Variants in ARHGAP20 observed in about 807,000 individuals in gnomAD.
ARHGAP20 encodes the protein rho GTPase-activating protein 20.
Under a neutral mutation model 73.7 loss-of-function variants are expected in ARHGAP20, and 34 were observed. That is an observed-to-expected ratio of 0.46 (90% confidence interval 0.35 to 0.61). The LOEUF (loss-of-function observed/expected upper bound fraction) is 0.61, where lower values mean the gene tolerates loss of function less well. ARHGAP20 is among the 20% of genes least tolerant of loss of function. The pLI is 0.00. For missense variants in ARHGAP20, 1,314 were observed against 1,420.9 expected, an observed-to-expected ratio of 0.92 and a Z score of 1.21; for synonymous variants, 523 against 518.2, an observed-to-expected ratio of 1.01 and a Z score of -0.13.
chr11:110,626,706 A>C (rs1224896598), intron 3 of ARHGAP20, among the ~76,000 whole-genome samples: 1 of 151,820 alleles, frequency 6.6e-6, no homozygotes, highest in African/African-American at 2.4e-5. Context: ...ATTTTCCATG[A>C]AGTTCTCTTC....
intron 9 of ARHGAP20, among the ~76,000 whole-genome samples, chr11:110,605,035 A>G (rs1948191564): frequency 6.6e-6 from 1 of 152,212 alleles, no homozygotes; most frequent in Non-Finnish European, 1.5e-5. Context: ...GATTTCTTCC[A>G]ACAGTGCACA....
chr11:110,659,588 G>A (rs529543080), intron 2 of ARHGAP20, among the ~76,000 whole-genome samples: 1 of 149,600 alleles, frequency 6.7e-6, no homozygotes, highest in South Asian at 2.1e-4. Flanking sequence ...GTCAATTTTG[G>A]CTTTTGTTGC....
chr11:110,634,080 T>C (rs1948913524), intron 2 of ARHGAP20, among the ~76,000 whole-genome samples: 1 of 151,988 alleles, frequency 6.6e-6, no homozygotes, highest in African/African-American at 2.4e-5. Flanking sequence ...GAAAAAGTAG[T>C]GGTGGTCAGG....
In ARHGAP20 at chr11:110,606,666, G is replaced by A. The variant is rs1297476403; in HGVS notation, c.859C>T (p.Pro287Ser). The A allele has an allele frequency of 5.0e-6, 8 of 1,607,984 alleles. No homozygotes were observed. Among genetic ancestry groups the A allele is most frequent in the African/African-American group, 1.3e-5 (1 of 74,164 alleles). ...AGGAAGGGCTCCTGGAGGTTGAAAG[G>A]GGTGGTAGAGTCCTTTGATCCCGGT... ...LTPGSKDSTT[P>S]FNLQEPFLME... The change falls in exon 9 of 15, where the codon CCT (proline) becomes TCT (serine). Residue 287 changes from proline (P) to serine (S), a missense_variant. Pro to Ser is a moderately conservative substitution (Grantham distance 74, BLOSUM62 -1). Transcript: ENST00000683387.
At chr11:110,611,663 G>C (rs1273652843) in intron 6 of ARHGAP20, among the ~76,000 whole-genome samples, 1 of 152,136 alleles carries the variant, frequency 6.6e-6, no homozygotes, top group Non-Finnish European at 1.5e-5. Flanking sequence ...ATTTCAGAGA[G>C]AGTACATGGA....
chr11:110,584,993 ATG>A (rs1217792685), intron 12 of ARHGAP20, among the ~76,000 whole-genome samples: 1 of 146,910 alleles, frequency 6.8e-6, no homozygotes, highest in Non-Finnish European at 1.5e-5. Context: ...GAAAATATAT[ATG>A]AATATATGAA....
chr11:110,637,436 T>G (rs1948991001), intron 2 of ARHGAP20, among the ~76,000 whole-genome samples: 1 of 151,748 alleles, frequency 6.6e-6, no homozygotes, highest in African/African-American at 2.4e-5. Context: ...ATTCCAAATA[T>G]TAGTTCTACC....
At chr11:110,588,425 A>T (rs982865626) in intron 11 of ARHGAP20, among the ~76,000 whole-genome samples, 1 of 152,254 alleles carries the variant, frequency 6.6e-6, no homozygotes, top group East Asian at 1.9e-4. Context: ...CTTATATTTA[A>T]GCAAAACCAG....
chr11:110,582,414 G>A lies in ARHGAP20; in HGVS notation c.1627C>T (p.Leu543=), dbSNP rs2134783733. 6.2e-7 allele frequency: 1 copy of A among 1,612,682 alleles called. No homozygotes were observed. Among genetic ancestry groups the A allele is most frequent in the Non-Finnish European group, 8.5e-7 (1 of 1,178,802 alleles). Reference sequence around the variant, plus strand: ...AATATCCTAAGGCAATTCTCAATCAGAAATTGTATAAGCAGGGAAACCTGT... The same window carrying A: ...AATATCCTAAGGCAATTCTCAATCAAAAATTGTATAAGCAGGGAAACCTGT... ...TKKVSLLIQF[L]IENCLRIFGE... is the part of the protein sequence containing the mutation. Residue 543 remains leucine (L), a synonymous_variant, in exon 14 of 15, where the codon CTG becomes TTG. Transcript: ENST00000683387.
At chr11:110,673,423 A>G (rs1485444132) in intron 2 of ARHGAP20, among the ~76,000 whole-genome samples, 1 of 152,238 alleles carries the variant, frequency 6.6e-6, no homozygotes, top group Admixed American at 6.5e-5. Flanking sequence ...AAAAAATTTT[A>G]AAATCAGATA....
Position 110,618,666 on chromosome 11 carries a change from C to T in ARHGAP20, c.504-3072G>A, listed in dbSNP as rs572714236. The stretch of plus-strand genomic sequence containing the variant: ...CGTATATGCAGTGATAGCATATATG[C>T]AGTGATAGAGTATATGCAGTGATAG... On this transcript the variant is annotated intron_variant, in intron 4 of 14. Coordinates refer to ENST00000683387, the MANE Select transcript of ARHGAP20 (RefSeq NM_001384657.1). Among the ~76,000 whole-genome samples, 7 of 148,026 alleles carry T rather than the reference C, an allele frequency of 4.7e-5. No individual in the cohort carries two copies. In the East Asian group the frequency reaches 1.0e-3, roughly 21 times the overall value.
At chr11:110,620,692 A>C (rs186232489) in intron 4 of ARHGAP20, among the ~76,000 whole-genome samples, 98 of 152,320 alleles carry the variant, frequency 6.4e-4, no homozygotes, top group African/African-American at 2.3e-3. Context: ...TTTTTAAAAA[A>C]ATCTTCATTC....
Position 110,614,502 on chromosome 11 carries a change from G to A in ARHGAP20, c.630+59C>T, listed in dbSNP as rs182261348. On this transcript the variant is annotated intron_variant, in intron 6 of 14. Coordinates refer to ENST00000683387, the MANE Select transcript of ARHGAP20 (RefSeq NM_001384657.1). ...CTGCCTGCTCTCTCTCTTCTTATCC[G>A]TAGTGTTCTGTCTTATGCAGGGACT... is the stretch of plus-strand genomic sequence containing the variant. 650 of 1,456,882 alleles carry A rather than the reference G, an allele frequency of 4.5e-4. 4 individuals carry two copies. In the African/African-American group the frequency reaches 6.5e-3, roughly 14 times the overall value. The allele number at this position is 1,456,882 out of a possible 1,614,324, so 90.2% of individuals were successfully genotyped here.
intron 2 of ARHGAP20, among the ~76,000 whole-genome samples, chr11:110,682,667 G>A (rs951396952): frequency 2.6e-5 from 4 of 152,016 alleles, no homozygotes; most frequent in Non-Finnish European, 5.9e-5. Flanking sequence ...TTATTAACAA[G>A]CTTGACATTA....
At chr11:110,711,850 CG>C in intron 1 of ARHGAP20, 1 of 1,314,810 alleles carries the variant, frequency 7.6e-7, no homozygotes, top group Non-Finnish European at 9.7e-7. Context: ...GCTGCAGAAC[CG>C]GCGGCGGATG....
chr11:110,598,142 T>C (rs1948017385), intron 9 of ARHGAP20, among the ~76,000 whole-genome samples: 1 of 150,566 alleles, frequency 6.6e-6, no homozygotes, highest in Non-Finnish European at 1.5e-5. Context: ...ACTCCGGCCA[T>C]GTAACTCCCC....
At chr11:110,608,633 A>T (rs999544617) in intron 8 of ARHGAP20, among the ~76,000 whole-genome samples, 4 of 152,188 alleles carry the variant, frequency 2.6e-5, no homozygotes, top group Non-Finnish European at 4.4e-5. Context: ...ACAGGAAATT[A>T]AAAAACTGAA....
At chr11:110,593,889 A>G (rs1265150280) in intron 9 of ARHGAP20, among the ~76,000 whole-genome samples, 1 of 152,252 alleles carries the variant, frequency 6.6e-6, no homozygotes. Context: ...CATTTTCTCC[A>G]GTGAGAGTGC....
chr11:110,597,358 G>A (rs1297107493), intron 9 of ARHGAP20, among the ~76,000 whole-genome samples: 5 of 151,376 alleles, frequency 3.3e-5, no homozygotes, highest in African/African-American at 4.9e-5. Flanking sequence ...GTTCCTGTAC[G>A]TCTAGCAAGG....
Sources: allele counts gnomAD v4.1 joint callset (sites outside exome capture counted in the v4.1 genomes callset), GRCh38; gene constraint gnomAD v4.1.1; transcripts MANE v1.5; gene names NCBI Gene and HGNC (gene_info 2026-07-23, HGNC 2026-07-21).